CELF2: variants seen among roughly 807,000 people sequenced by gnomAD.
CELF2 encodes the protein CUG triplet repeat RNA-binding protein 2.
A neutral mutation model predicts 62.6 loss-of-function variants in CELF2; 8 were observed. That is an observed-to-expected ratio of 0.13 (90% CI 0.07 to 0.23). The LOEUF (loss-of-function observed/expected upper bound fraction) is 0.23. Ranked by LOEUF, CELF2 falls within the 10% of genes least tolerant of loss-of-function variation. The probability of loss-of-function intolerance (pLI) is 1.00; values close to 1 mark genes in which losing one functional copy is unlikely to be tolerated. For synonymous variants in CELF2, 258 were observed against 250.0 expected, an observed-to-expected ratio of 1.03 and a Z score of -0.30; for missense variants, 333 against 671.0, an observed-to-expected ratio of 0.50 and a Z score of 5.56.
At chr10:10,813,764 C>T (rs906464772) in intron 1 of CELF2, among the ~76,000 whole-genome samples, 7 of 152,160 alleles carry the variant, frequency 4.6e-5, no homozygotes, top group African/African-American at 1.4e-4. Flanking sequence ...TACAGTTTTA[C>T]AAAAACAGGT....
the CELF2 span, among the ~76,000 whole-genome samples, chr10:10,710,760 T>A: frequency 6.6e-6 from 1 of 152,184 alleles, no homozygotes; most frequent in African/African-American, 2.4e-5. Context: ...ATTAATGGAA[T>A]CAGTAGAAAG....
At chr10:10,489,096 G>A in the CELF2 span, among the ~76,000 whole-genome samples, 1 of 152,052 alleles carries the variant, frequency 6.6e-6, no homozygotes, top group African/African-American at 2.4e-5. Flanking sequence ...CCTGTAAAGT[G>A]CTGTCAAGAA....
At chr10:10,526,211 C>G in the CELF2 span, among the ~76,000 whole-genome samples, 1 of 152,182 alleles carries the variant, frequency 6.6e-6, no homozygotes, top group Admixed American at 6.5e-5. Context: ...CTTTTCTGCT[C>G]AAACTATCAC....
chr10:10,734,811 C>T, the CELF2 span, among the ~76,000 whole-genome samples: 1 of 152,096 alleles, frequency 6.6e-6, no homozygotes, highest in Admixed American at 6.6e-5. Context: ...CAGGACAGTC[C>T]CAGCCTCAGC....
intron 5 of CELF2, among the ~76,000 whole-genome samples, chr10:11,263,738 C>A (rs539042049): frequency 6.6e-6 from 1 of 152,328 alleles, no homozygotes; most frequent in South Asian, 2.1e-4. Context: ...AGTATAAAGC[C>A]ATACATTGGA....
At chr10:10,507,794 G>A in the CELF2 span, among the ~76,000 whole-genome samples, 485 of 152,274 alleles carry the variant, frequency 3.2e-3, 2 homozygotes, top group Middle Eastern at 0.017. Flanking sequence ...ACTTTTGGGA[G>A]GAAGGTAGAA....
rs2096103000 is a variant in CELF2 at position 11,335,515 on chromosome 10, G to A, written c.*6462G>A. 6.6e-6 allele frequency: 1 copy of A among 152,254 alleles called. No homozygotes were observed. Among genetic ancestry groups the A allele is most frequent in the African/African-American group, 2.4e-5 (1 of 41,438 alleles). The allele number at this position is 152,254 out of a possible 1,614,324, so 9.4% of individuals were successfully genotyped here. The stretch of plus-strand genomic sequence containing the variant: ...GAACAGAGGGGCCTGGCGAGGTGGA[G>A]GAAGGGAGGCTCCCTCCCCGGGGCT... On this transcript the variant is annotated 3_prime_UTR_variant, in exon 13 of 13. Transcript: ENST00000633077. The surrounding 1 kb of genome is among the most constrained non-coding windows in gnomAD (Gnocchi z 5.0).
the CELF2 span, among the ~76,000 whole-genome samples, chr10:10,567,440 T>A: frequency 6.6e-6 from 1 of 152,098 alleles, no homozygotes; most frequent in Non-Finnish European, 1.5e-5. Flanking sequence ...CTGGGAGTGC[T>A]CTTGGAATCA....
intron 2 of CELF2, among the ~76,000 whole-genome samples, chr10:10,921,519 C>T (rs1401605850): frequency 2.6e-5 from 4 of 152,210 alleles, no homozygotes; most frequent in East Asian, 1.9e-4. Flanking sequence ...CCACCTGTCT[C>T]GGCCTCCCAA....
At chr10:10,496,452 C>A in the CELF2 span, among the ~76,000 whole-genome samples, 1 of 152,134 alleles carries the variant, frequency 6.6e-6, no homozygotes, top group Non-Finnish European at 1.5e-5. Flanking sequence ...GCTTTTAAAG[C>A]CTCTCTGTTC....
chr10:11,034,664 C>T (rs1794305889), intron 1 of CELF2, among the ~76,000 whole-genome samples: 1 of 152,144 alleles, frequency 6.6e-6, no homozygotes, highest in African/African-American at 2.4e-5. Context: ...TGTGGCAGTT[C>T]TTTCCCATTC....
intron 2 of CELF2, among the ~76,000 whole-genome samples, chr10:10,969,218 T>C (rs2050488469): frequency 6.6e-6 from 1 of 152,084 alleles, no homozygotes; most frequent in South Asian, 2.1e-4. Context: ...GATTGTGCCA[T>C]TGCACTCCAG....
rs2082883074 is a variant in CELF2 at position 11,268,768 on chromosome 10, CGTT to C, written c.619-1894_619-1892del. Among the ~76,000 whole-genome samples, 4 of 151,888 alleles carry C rather than the reference CGTT, an allele frequency of 2.6e-5. No homozygotes were observed. The highest frequency in any genetic ancestry group is 6.6e-5 in the Admixed American group (1 of 15,254). ...AGTCACATTATAATTGTTTGACTAA[CGTT>C]GTTTATTTTTAACTAATTATATTAT... On this transcript the variant is annotated intron_variant, in intron 6 of 12. Coordinates refer to ENST00000633077, the MANE Select transcript of CELF2 (RefSeq NM_001326342.2). This position sits in a 1 kb window ranked among gnomAD's most constrained non-coding sequence, Gnocchi z 4.7.
At chr10:10,624,392 T>C in the CELF2 span, among the ~76,000 whole-genome samples, 1 of 152,212 alleles carries the variant, frequency 6.6e-6, no homozygotes, top group Non-Finnish European at 1.5e-5. Context: ...TGGCATTACC[T>C]GAGTCACTTA....
In CELF2 at chr10:11,314,149, A is replaced by G; in HGVS notation, c.987A>G (p.Ser329=). 1 of 1,613,174 alleles carries G rather than the reference A, an allele frequency of 6.2e-7. No homozygotes were observed. The highest frequency in any genetic ancestry group is 8.5e-7 in the Non-Finnish European group (1 of 1,179,594). The change falls in exon 10 of 13, where the codon TCA becomes TCG. Residue 329 remains serine, a synonymous_variant. Coordinates refer to ENST00000633077, the MANE Select transcript of CELF2 (RefSeq NM_001326342.2). The surrounding 1 kb of genome is among the most constrained non-coding windows in gnomAD (Gnocchi z 5.3). ...LGALTSPVAA[S]TPNSTAGAAM... ...TTTTCCTTTTTTCAGTGGCTGCTTC[A>G]ACCCCCAACTCCACTGCTGGTGCAG...
chr10:10,912,078 C>A (rs2063860237), intron 1 of CELF2, among the ~76,000 whole-genome samples: 1 of 152,048 alleles, frequency 6.6e-6, no homozygotes, highest in South Asian at 2.1e-4. Flanking sequence ...CAGCAGGTAC[C>A]CCGTAAATCT....
intron 1 of CELF2, among the ~76,000 whole-genome samples, chr10:10,842,391 A>G (rs537970099): frequency 5.7e-4 from 86 of 152,202 alleles, no homozygotes; most frequent in African/African-American, 2.1e-3. Flanking sequence ...AAAATTGTTC[A>G]GGATCTCACT....
the CELF2 span, among the ~76,000 whole-genome samples, chr10:10,471,398 C>A: frequency 4.6e-5 from 7 of 151,576 alleles, no homozygotes; most frequent in Non-Finnish European, 8.9e-5. Flanking sequence ...AGATTTTGTT[C>A]CATGTATTTT....
intron 2 of CELF2, among the ~76,000 whole-genome samples, chr10:11,194,119 G>A (rs1402717478): frequency 6.6e-6 from 1 of 152,140 alleles, no homozygotes; most frequent in East Asian, 1.9e-4. Flanking sequence ...AGGCTGGAGT[G>A]TAGTGGCATG....
Sources: gnomAD v4.1 joint callset for allele counts (sites outside exome capture counted in the v4.1 genomes callset) on GRCh38, gnomAD v4.1.1 for gene constraint, Gnocchi (gnomAD v3.1) non-coding constraint, MANE v1.5 for transcripts, NCBI Gene and HGNC (gene_info 2026-07-23, HGNC 2026-07-21) for gene names.